HDAC9: variants seen among roughly 807,000 people sequenced by gnomAD.
HDAC9 encodes the protein MEF-2 interacting transcription repressor (MITR) protein.
In HDAC9, 41 loss-of-function variants were observed where a neutral mutation model predicts 139.4. The observed-to-expected ratio is 0.29, with a 90% CI of 0.23 to 0.38. HDAC9 has a LOEUF of 0.38. Among genes scored for constraint, HDAC9 ranks in the 10% least tolerant of loss-of-function variants. The pLI is 1.00. For missense variants in HDAC9, 1,147 were observed against 1,297.0 expected, an observed-to-expected ratio of 0.88 and a Z score of 1.78; for synonymous variants, 517 against 476.2, an observed-to-expected ratio of 1.09 and a Z score of -1.12.
chr7:18,184,490 G>A (rs1215556966), intron 2 of HDAC9, among the ~76,000 whole-genome samples: 1 of 152,156 alleles, frequency 6.6e-6, no homozygotes, highest in Non-Finnish European at 1.5e-5. Context: ...CATACCATAT[G>A]CAAATAGCCT....
At chr7:18,272,899 A>T (rs1262461376) in intron 2 of HDAC9, among the ~76,000 whole-genome samples, 3 of 149,850 alleles carry the variant, frequency 2.0e-5, no homozygotes, top group African/African-American at 7.4e-5. Flanking sequence ...GCATTATAAG[A>T]TAACTAGACT....
chr7:18,606,367 T>A (rs886765515), intron 6 of HDAC9, among the ~76,000 whole-genome samples: 3 of 152,212 alleles, frequency 2.0e-5, no homozygotes, highest in Admixed American at 6.5e-5. Context: ...ACTTTTTCAT[T>A]TTTTGAGGTG....
At chr7:18,386,224 C>A (rs1440608360) in intron 1 of HDAC9, among the ~76,000 whole-genome samples, 1 of 152,138 alleles carries the variant, frequency 6.6e-6, no homozygotes, top group Non-Finnish European at 1.5e-5. Flanking sequence ...TAGATCTTTT[C>A]ATAAGTTAAC....
chr7:18,249,703 T>C (rs1188407098), intron 2 of HDAC9, among the ~76,000 whole-genome samples: 1 of 152,040 alleles, frequency 6.6e-6, no homozygotes, highest in African/African-American at 2.4e-5. Flanking sequence ...TTCCATTTTT[T>C]TCTGGGAGAG....
chr7:18,857,981 T>C (rs1241735813), intron 21 of HDAC9, among the ~76,000 whole-genome samples: 1 of 152,180 alleles, frequency 6.6e-6, no homozygotes, highest in Non-Finnish European at 1.5e-5. Flanking sequence ...TGGAGTATTA[T>C]TTGGTCTAAA....
rs1206576370 is a variant in HDAC9 at position 18,999,004 on chromosome 7, A to G, written c.*2942A>G. ...CCAAAATGGACTCAAATAAAACCAG[A>G]GGCTATGTTACCATTGCTTAGTAAA... On this transcript the variant is annotated 3_prime_UTR_variant, in exon 26 of 26. Coordinates refer to ENST00000686413, the MANE Select transcript of HDAC9 (RefSeq NM_178425.4). 1 of 152,350 alleles carries G rather than the reference A, an allele frequency of 6.6e-6. No homozygotes were observed. Among genetic ancestry groups the G allele is most frequent in the East Asian group, 1.9e-4 (1 of 5,194 alleles). The allele number at this position is 152,350 out of a possible 1,614,324, so 9.4% of individuals were successfully genotyped here.
chr7:18,965,785 A>G (rs895713495), intron 24 of HDAC9, among the ~76,000 whole-genome samples: 5 of 152,190 alleles, frequency 3.3e-5, no homozygotes, highest in South Asian at 2.1e-4. Context: ...TTTCTGGCCA[A>G]TCATAGAGCA....
intron 8 of HDAC9, among the ~76,000 whole-genome samples, chr7:18,642,331 T>C (rs1005316941): frequency 3.3e-5 from 5 of 152,100 alleles, no homozygotes; most frequent in African/African-American, 9.7e-5. Flanking sequence ...GTTTGCTTCC[T>C]CTTCTCCTCC....
At chr7:18,893,004 T>C (rs1434742342) in intron 22 of HDAC9, among the ~76,000 whole-genome samples, 1 of 115,244 alleles carries the variant, frequency 8.7e-6, no homozygotes, top group Non-Finnish European at 1.6e-5. Context: ...GTTGAGAGCT[T>C]ATACAGTGTT....
At chr7:18,250,525 A>T (rs955504441) in intron 2 of HDAC9, among the ~76,000 whole-genome samples, 4 of 152,206 alleles carry the variant, frequency 2.6e-5, no homozygotes, top group African/African-American at 9.7e-5. Context: ...TTGGTAGTCT[A>T]TCACCAACAT....
chr7:18,844,027 A>T (rs1796752511), intron 21 of HDAC9, among the ~76,000 whole-genome samples: 1 of 152,166 alleles, frequency 6.6e-6, no homozygotes, highest in Non-Finnish European at 1.5e-5. Context: ...AAACATGTGG[A>T]TGATAGACTC....
intron 1 of HDAC9, among the ~76,000 whole-genome samples, chr7:18,453,280 G>A (rs1563003519): frequency 1.3e-5 from 2 of 151,900 alleles, no homozygotes; most frequent in Non-Finnish European, 2.9e-5. Context: ...CTATTTCCAG[G>A]TGTAATGATG....
upstream of HDAC9, among the ~76,000 whole-genome samples, chr7:18,288,760 A>G (rs1158062247): frequency 6.6e-6 from 1 of 152,158 alleles, no homozygotes; most frequent in Non-Finnish European, 1.5e-5. Flanking sequence ...TTGGTCCTAA[A>G]GAGGCTTACA....
intron 1 of HDAC9, among the ~76,000 whole-genome samples, chr7:18,412,797 A>G (rs1226635590): frequency 1.3e-5 from 2 of 152,238 alleles, no homozygotes; most frequent in African/African-American, 4.8e-5. Context: ...ATTAGAAGAA[A>G]AGGCCGTCTA....
intron 6 of HDAC9, among the ~76,000 whole-genome samples, chr7:18,615,446 A>G (rs1838308797): frequency 6.6e-6 from 1 of 152,170 alleles, no homozygotes; most frequent in South Asian, 2.1e-4. Context: ...TATTCTTAGT[A>G]TTTTATGGTT....
At chr7:18,594,834 TA>T (rs1396905174) in intron 6 of HDAC9, among the ~76,000 whole-genome samples, 1 of 152,110 alleles carries the variant, frequency 6.6e-6, no homozygotes, top group East Asian at 1.9e-4. Context: ...GAGACAGTAG[TA>T]AATTTAAAAA....
chr7:18,729,678 T>A (rs201880826), intron 13 of HDAC9, among the ~76,000 whole-genome samples: 1 of 73,584 alleles, frequency 1.4e-5, no homozygotes, highest in Non-Finnish European at 2.3e-5. Context: ...GAGAGTTAGG[T>A]TTTTTTCCCC....
intron 2 of HDAC9, among the ~76,000 whole-genome samples, chr7:18,553,576 G>A (rs546069843): frequency 1.4e-4 from 21 of 152,252 alleles, no homozygotes; most frequent in Non-Finnish European, 2.8e-4. Flanking sequence ...GTTAAGCTTC[G>A]AAAGATTCTG....
intron 1 of HDAC9, among the ~76,000 whole-genome samples, chr7:18,356,354 A>G (rs1317472291): frequency 4.2e-5 from 3 of 71,210 alleles, no homozygotes; most frequent in Non-Finnish European, 8.4e-5. Context: ...AGGGCAGCAC[A>G]TAGGTTTTTT....
Sources: allele counts gnomAD v4.1 joint callset (sites outside exome capture counted in the v4.1 genomes callset), GRCh38; gene constraint gnomAD v4.1.1; transcripts MANE v1.5; gene names NCBI Gene and HGNC (gene_info 2026-07-23, HGNC 2026-07-21).